CEP162: variants seen among roughly 807,000 people sequenced by gnomAD.
CEP162 encodes centrosomal protein 162, also known as centrosomal protein of 162 kDa.
A neutral mutation model predicts 169.2 loss-of-function variants in CEP162; 141 were observed. The observed-to-expected ratio is 0.83, with a 90% CI of 0.73 to 0.96. The LOEUF (loss-of-function observed/expected upper bound fraction) is 0.96, where lower values mean the gene tolerates loss of function less well. Ranked by LOEUF, CEP162 falls within the 40% of genes least tolerant of loss-of-function variation. CEP162 has a pLI of 0.00. For missense variants in CEP162, 1,600 were observed against 1,587.2 expected (o/e 1.01, Z -0.14); for synonymous variants, 540 against 526.4 (o/e 1.03, Z -0.35).
rs773560450 is a variant in CEP162 at position 84,153,032 on chromosome 6, C to A, written c.3142G>T (p.Glu1048Ter). ...TTCTGATGTTTAAGAACGTCTATTT[C>A]GGCTTCAAGGTTTCTTACAGTGATC... ...HQITVRNLEA[E>*]IDVLKHQNAE... Residue 1048 changes from glutamate to a stop codon, truncating the protein, a stop_gained, in exon 23 of 27, where the codon GAA becomes TAA. Coordinates refer to ENST00000403245, the MANE Select transcript of CEP162 (RefSeq NM_014895.4). LOFTEE classifies it high-confidence loss of function. 3.1e-6 allele frequency: 5 copies of A among 1,613,336 alleles called. No homozygotes were observed. In the African/African-American group the frequency reaches 4.0e-5, roughly 13 times the overall value.
chr6:84,214,233 C>A (rs576947918), intron 5 of CEP162, among the ~76,000 whole-genome samples: 1 of 152,158 alleles, frequency 6.6e-6, no homozygotes, highest in Admixed American at 6.5e-5. Context: ...GAGCCAAGAT[C>A]GTGCCACTGC....
intron 24 of CEP162, 22 bp from the exon 25 acceptor site, chr6:84,146,807 T>G: frequency 7.7e-7 from 1 of 1,294,142 alleles, no homozygotes; most frequent in Non-Finnish European, 1.1e-6. Context: ...TTAGAAGTGC[T>G]GAGTTAATAA....
chr6:84,196,049 T>C (rs574800137), intron 9 of CEP162, among the ~76,000 whole-genome samples: 11 of 152,172 alleles, frequency 7.2e-5, no homozygotes, highest in Non-Finnish European at 1.5e-4. Context: ...GAAACCTTGA[T>C]GTCATCATTC....
intron 25 of CEP162, among the ~76,000 whole-genome samples, chr6:84,136,996 A>T (rs1415307129): frequency 2.0e-5 from 3 of 152,176 alleles, no homozygotes; most frequent in Non-Finnish European, 2.9e-5. Flanking sequence ...TGACTCTTGT[A>T]ACTGAGCATG....
At chr6:84,202,340 G>A (rs1369631142) in intron 7 of CEP162, among the ~76,000 whole-genome samples, 14 of 152,038 alleles carry the variant, frequency 9.2e-5, no homozygotes, top group Non-Finnish European at 2.1e-4. Context: ...TAGGCAGTTT[G>A]TGGGACCTTC....
intron 25 of CEP162, among the ~76,000 whole-genome samples, chr6:84,127,980 T>C (rs748679791): frequency 6.6e-6 from 1 of 152,350 alleles, no homozygotes; most frequent in East Asian, 1.9e-4. Context: ...CTGAGCACTT[T>C]ACAGATGTCT....
chr6:84,131,673 TTG>T (rs548995616), intron 25 of CEP162, among the ~76,000 whole-genome samples: 3,632 of 139,700 alleles, frequency 0.026, 127 homozygotes, highest in African/African-American at 0.087. Context: ...TGCTTTTTTT[TTG>T]TTTTGTTTTC....
chr6:84,146,576 A>G, intron 25 of CEP162, 111 bp downstream of exon 25: 1 of 513,484 alleles, frequency 1.9e-6, no homozygotes, highest in African/African-American at 2.0e-5. Flanking sequence ...TTGACGTGAT[A>G]CTTTCAGGTT....
chr6:84,186,640 G>T lies in CEP162; in HGVS notation c.1110-17C>A, dbSNP rs372449665. The T allele has an allele frequency of 1.3e-6, 2 of 1,581,254 alleles. No individual in the cohort carries two copies. The highest frequency in any genetic ancestry group is 1.2e-5 in the South Asian group (1 of 86,108). On this transcript the variant is annotated splice_polypyrimidine_tract_variant and intron_variant, in intron 11 of 26. Transcript: ENST00000403245. ...TTCTCAGAGCTATAAAACAAAACAG[G>T]ACACAGATAATGAACCCTATGTAAC... is the stretch of plus-strand genomic sequence containing the variant.
At chr6:84,211,166 G>C (rs1186683891) in intron 6 of CEP162, among the ~76,000 whole-genome samples, 1 of 151,178 alleles carries the variant, frequency 6.6e-6, no homozygotes, top group African/African-American at 2.4e-5. Context: ...TGAACATAAT[G>C]AAGAAAAATG....
intron 25 of CEP162, among the ~76,000 whole-genome samples, chr6:84,129,128 T>C (rs1023365000): frequency 3.3e-5 from 5 of 152,196 alleles, no homozygotes; most frequent in Non-Finnish European, 5.9e-5. Flanking sequence ...TCTTTGCTAT[T>C]GTGAATAGTG....
At chr6:84,209,326 A>C (rs981394153) in intron 6 of CEP162, among the ~76,000 whole-genome samples, 1 of 152,022 alleles carries the variant, frequency 6.6e-6, no homozygotes, top group Non-Finnish European at 1.5e-5. Context: ...TATAAGTGTT[A>C]GCTATAATGT....
At chr6:84,156,294 CTT>C (rs1234397489) in intron 21 of CEP162, among the ~76,000 whole-genome samples, 2 of 152,078 alleles carry the variant, frequency 1.3e-5, no homozygotes, top group African/African-American at 2.4e-5. Flanking sequence ...AAGAAAAACA[CTT>C]TTGAACACTG....
chr6:84,142,122 G>A (rs2099516958), intron 25 of CEP162, among the ~76,000 whole-genome samples: 2 of 152,220 alleles, frequency 1.3e-5, no homozygotes, highest in East Asian at 3.9e-4. Context: ...TAAACACACT[G>A]CTATAAAAAC....
chr6:84,194,888 T>C lies in CEP162; in HGVS notation c.1023A>G (p.Glu341=). 6.3e-7 allele frequency: 1 copy of C among 1,598,192 alleles called. No individual in the cohort carries two copies. The highest frequency in any genetic ancestry group is 1.8e-5 in the Admixed American group (1 of 57,108). ...AATTCATCTGTAAGTTTTTACCAGA[T>C]TCCATAGTAGAGATGTTTTTTGAAT... The part of the protein sequence containing the change: ...EENSKNISTM[E]SDLPTVEELM... Residue 341 remains glutamate, a synonymous_variant, in exon 10 of 27, where the codon GAA becomes GAG. Transcript: ENST00000403245.
chr6:84,196,135 C>T (rs2099542028), intron 9 of CEP162, among the ~76,000 whole-genome samples: 1 of 152,128 alleles, frequency 6.6e-6, no homozygotes, highest in African/African-American at 2.4e-5. Flanking sequence ...ATTGTAACTC[C>T]CACAATTCTC....
At chr6:84,197,842 AAGAG>A (rs1554181652) in intron 9 of CEP162, among the ~76,000 whole-genome samples, 2 of 150,788 alleles carry the variant, frequency 1.3e-5, no homozygotes, top group South Asian at 2.1e-4. Flanking sequence ...AAAAAAAAAA[AAGAG>A]AGAAAGTTGA....
rs1178888098 is a variant in CEP162 at position 84,171,631 on chromosome 6, A to C, written c.2254T>G (p.Leu752Val). The change falls in exon 17 of 27, where the codon TTA becomes GTA. Residue 752 changes from leucine to valine, a missense_variant. Leu to Val is a conservative substitution (Grantham distance 32, BLOSUM62 1). Transcript: ENST00000403245. ...TTTAAGGAAGCTACCTCACTGAATAAACTTTGGTTTTCCTTAAACATTCGC... is the reference window on the plus strand; with the variant it reads ...TTTAAGGAAGCTACCTCACTGAATACACTTTGGTTTTCCTTAAACATTCGC... The part of the protein sequence containing the change: ...EERMFKENQS[L>V]FSEVASLKEQ... The C allele has an allele frequency of 1.3e-6, 2 of 1,522,334 alleles. No homozygotes were observed. The highest frequency in any genetic ancestry group is 1.8e-6 in the Non-Finnish European group (2 of 1,133,926). The allele number at this position is 1,522,334 out of a possible 1,614,324, so 94.3% of individuals were successfully genotyped here.
At chr6:84,214,999 T>A (rs2099550972) in intron 5 of CEP162, among the ~76,000 whole-genome samples, 1 of 152,166 alleles carries the variant, frequency 6.6e-6, no homozygotes, top group African/African-American at 2.4e-5. Context: ...GGAAAATGAA[T>A]TAATAAATGA....
Sources: allele counts gnomAD v4.1 joint callset (sites outside exome capture counted in the v4.1 genomes callset), GRCh38; gene constraint gnomAD v4.1.1; transcripts MANE v1.5; gene names NCBI Gene and HGNC (gene_info 2026-07-23, HGNC 2026-07-21).